The following CYP2J2 variants were observed in gnomAD, a reference collection of about 807,000 sequenced individuals.
The protein encoded by CYP2J2 is cytochrome P450 2J2.
A neutral mutation model predicts 48.8 loss-of-function variants in CYP2J2; 41 were observed. The ratio of observed to expected loss-of-function variants is 0.84; its 90% CI spans 0.66 to 1.09. CYP2J2 has a LOEUF of 1.09. CYP2J2 is among the 50% of genes least tolerant of loss of function. The pLI, the probability that CYP2J2 is intolerant of heterozygous loss-of-function variation, is 0.00. For missense variants in CYP2J2, 644 were observed against 617.3 expected, an observed-to-expected ratio of 1.04 and a Z score of -0.46; for synonymous variants, 221 against 227.1, an observed-to-expected ratio of 0.97 and a Z score of 0.24.
chr1:59,903,103 T>A (rs1418810813), intron 7 of CYP2J2, among the ~76,000 whole-genome samples: 1 of 152,228 alleles, frequency 6.6e-6, no homozygotes, highest in Non-Finnish European at 1.5e-5. Context: ...TCAGCCTTTA[T>A]CCACTAAATG....
chr1:59,914,995 TTACTC>T (rs1168086996), intron 2 of CYP2J2, among the ~76,000 whole-genome samples: 3 of 152,210 alleles, frequency 2.0e-5, no homozygotes, highest in Non-Finnish European at 2.9e-5. Context: ...CTGTTACTCT[TTACTC>T]TACTGGGATG....
At chr1:59,915,776 T>C (rs565605402) in intron 2 of CYP2J2, among the ~76,000 whole-genome samples, 162 bp downstream of exon 2, 22 of 152,192 alleles carry the variant, frequency 1.4e-4, no homozygotes, top group Non-Finnish European at 2.9e-4. Flanking sequence ...AGGGAGTGAC[T>C]TCAATCAGGA....
the CYP2J2 span, among the ~76,000 whole-genome samples, chr1:59,953,724 CAA>C: frequency 6.6e-6 from 1 of 152,012 alleles, no homozygotes; most frequent in Non-Finnish European, 1.5e-5. Context: ...GGAAGCATTG[CAA>C]AGTGTTTTCG....
intron 7 of CYP2J2, among the ~76,000 whole-genome samples, 200 bp downstream of exon 7, chr1:59,904,671 T>C (rs1644349876): frequency 6.6e-6 from 1 of 152,154 alleles, no homozygotes; most frequent in Non-Finnish European, 1.5e-5. Flanking sequence ...ATATTTAACG[T>C]AGGAATCCTT....
the CYP2J2 span, among the ~76,000 whole-genome samples, chr1:59,934,999 TATATATATATATATAC>T: frequency 0.014 from 604 of 44,602 alleles, 21 homozygotes; most frequent in African/African-American, 0.018. Flanking sequence ...GATATATATA[TATATATATATATATAC>T]ATATATATAT....
chr1:59,904,968 A>G lies in CYP2J2; in HGVS notation c.1094T>C (p.Val365Ala), dbSNP rs200351077. 15 of 1,613,590 alleles carry G rather than the reference A, an allele frequency of 9.3e-6. No individual in the cohort carries two copies. The highest frequency in any genetic ancestry group is 1.7e-5 in the Admixed American group (1 of 59,904). Residue 365 changes from valine to alanine, a missense_variant, in exon 7 of 9, where the codon GTC (valine) becomes GCC (alanine). By Grantham distance (64) the Val-to-Ala change is moderately conservative. Transcript: ENST00000371204. Reference sequence around the variant, plus strand: ...GCCCATTCTCTGCACCTCATGGATGACAGCATTGGTGTAGGGCATGGACTC... The same window carrying G: ...GCCCATTCTCTGCACCTCATGGATGGCAGCATTGGTGTAGGGCATGGACTC... ...ARESMPYTNA[V>A]IHEVQRMGNI...
the CYP2J2 span, among the ~76,000 whole-genome samples, chr1:59,968,810 G>A: frequency 2.0e-5 from 3 of 152,212 alleles, no homozygotes; most frequent in Non-Finnish European, 4.4e-5. Context: ...GATGTGTCTC[G>A]AATTGGTGGG....
chr1:59,944,854 G>A, the CYP2J2 span, among the ~76,000 whole-genome samples: 16 of 151,538 alleles, frequency 1.1e-4, 1 homozygote, highest in Admixed American at 1.1e-3. Flanking sequence ...AAAGCCATTT[G>A]CATTTATTTT....
At chr1:59,910,652 A>C (rs1644404830) in intron 4 of CYP2J2, among the ~76,000 whole-genome samples, 1 of 152,212 alleles carries the variant, frequency 6.6e-6, no homozygotes, top group African/African-American at 2.4e-5. Context: ...GTAAACATTT[A>C]AGCACACATA....
intron 1 of CYP2J2, among the ~76,000 whole-genome samples, 174 bp downstream of exon 1, chr1:59,926,363 T>A (rs1644563937): frequency 6.6e-6 from 1 of 152,186 alleles, no homozygotes; most frequent in Non-Finnish European, 1.5e-5. Flanking sequence ...GGTGGAATCA[T>A]GCCAGTTAAT....
At chr1:59,958,415 G>T in the CYP2J2 span, among the ~76,000 whole-genome samples, 1 of 152,108 alleles carries the variant, frequency 6.6e-6, no homozygotes, top group Non-Finnish European at 1.5e-5. Flanking sequence ...GTTCTCCTCT[G>T]GGAATACCGC....
the CYP2J2 span, among the ~76,000 whole-genome samples, chr1:59,931,887 A>T: frequency 6.6e-6 from 1 of 152,150 alleles, no homozygotes; most frequent in Non-Finnish European, 1.5e-5. Flanking sequence ...AGAAATCAGG[A>T]TAATTTGAGA....
intron 8 of CYP2J2, among the ~76,000 whole-genome samples, chr1:59,896,949 T>C (rs1176691132): frequency 1.3e-5 from 2 of 152,272 alleles, no homozygotes; most frequent in African/African-American, 2.4e-5. Context: ...TACTGCTTTA[T>C]ATTTTCCCAT....
chr1:59,893,743 G>A lies in CYP2J2; in HGVS notation c.1417C>T (p.Pro473Ser). ...AGGCTCAGCTTCTCATTGTTTGGGG[G>A]CCTGAAGGTAAATTTTTGCATAAGG... ...TSLMQKFTFR[P>S]PNNEKLSLKF... is the part of the protein sequence containing the mutation. Residue 473 changes from proline (P) to serine (S), a missense_variant, in exon 9 of 9, where the codon CCC (proline) becomes TCC (serine). Physicochemically the swap from Pro to Ser is moderately conservative, Grantham distance 74. Coordinates refer to ENST00000371204, the MANE Select transcript of CYP2J2 (RefSeq NM_000775.4). The A allele has an allele frequency of 1.2e-6, 2 of 1,613,282 alleles. No individual in the cohort carries two copies. The highest frequency in any genetic ancestry group is 1.7e-6 in the Non-Finnish European group (2 of 1,179,616).
chr1:59,909,714 G>A, intron 5 of CYP2J2, 70 bp downstream of exon 5: 3 of 1,124,950 alleles, frequency 2.7e-6, no homozygotes, highest in Non-Finnish European at 3.8e-6. Flanking sequence ...TTTTACAGCA[G>A]CAGTTGGAAA....
At chr1:59,915,845 G>A in intron 2 of CYP2J2, 93 bp downstream of exon 2, 1 of 1,240,742 alleles carries the variant, frequency 8.1e-7, no homozygotes, top group Non-Finnish European at 1.1e-6. Flanking sequence ...TGGTTTCTAG[G>A]AGTGTTGGAA....
chr1:59,955,265 C>CATATATATATATCCATATATATATATCT, the CYP2J2 span, among the ~76,000 whole-genome samples: 1 of 23,952 alleles, frequency 4.2e-5, no homozygotes, highest in Non-Finnish European at 9.6e-5. Context: ...TATATATATC[C>CATATATATATATCCATATATATATATCT]ATATATATAT....
the CYP2J2 span, among the ~76,000 whole-genome samples, chr1:59,962,798 A>G: frequency 2.0e-5 from 3 of 152,182 alleles, no homozygotes; most frequent in Non-Finnish European, 2.9e-5. Flanking sequence ...TTGACACTGT[A>G]ATTCACAAGT....
the CYP2J2 span, among the ~76,000 whole-genome samples, chr1:59,963,585 T>C: frequency 5.9e-5 from 9 of 152,344 alleles, no homozygotes; most frequent in East Asian, 1.7e-3. Flanking sequence ...TCCATTTATC[T>C]ATTGATGGAC....
Sources: gnomAD v4.1 joint callset for allele counts (sites outside exome capture counted in the v4.1 genomes callset) on GRCh38, gnomAD v4.1.1 for gene constraint, MANE v1.5 for transcripts, NCBI Gene and HGNC (gene_info 2026-07-23, HGNC 2026-07-21) for gene names.